The following FBP2 variants were observed in gnomAD, a reference collection of about 807,000 sequenced individuals.
FBP2 encodes fructose-1,6-bisphosphatase isozyme 2.
In FBP2, 27 loss-of-function variants were observed where a neutral mutation model predicts 31.6. The ratio of observed to expected loss-of-function variants is 0.85; its 90% CI spans 0.63 to 1.18. The LOEUF is 1.18. FBP2 is among the 50% of genes most tolerant of loss of function. FBP2 has a pLI of 0.00. For synonymous variants in FBP2, 168 were observed against 179.8 expected, an observed-to-expected ratio of 0.93 and a Z score of 0.53; for missense variants, 421 against 436.1, an observed-to-expected ratio of 0.97 and a Z score of 0.31.
At chr9:94,562,922 G>A (rs1005934327) in intron 6 of FBP2, among the ~76,000 whole-genome samples, 6 of 152,228 alleles carry the variant, frequency 3.9e-5, no homozygotes, top group African/African-American at 1.4e-4. Context: ...CCCTCAACGT[G>A]TAATTTGTAT....
At chr9:94,589,665 TG>T (rs1827468484) in intron 1 of FBP2, among the ~76,000 whole-genome samples, 3 of 152,200 alleles carry the variant, frequency 2.0e-5, no homozygotes, top group African/African-American at 7.2e-5. Flanking sequence ...TGAGAACCAC[TG>T]ATCTACCTTA....
intron 5 of FBP2, among the ~76,000 whole-genome samples, chr9:94,566,441 C>T (rs1243577592): frequency 1.3e-5 from 2 of 152,238 alleles, no homozygotes; most frequent in Non-Finnish European, 2.9e-5. Flanking sequence ...GTTAACCAGC[C>T]CAACCTATTC....
intron 1 of FBP2, 86 bp downstream of exon 1, chr9:94,593,471 A>T (rs1827523166): frequency 7.5e-7 from 1 of 1,334,784 alleles, no homozygotes; most frequent in Admixed American, 2.4e-5. Flanking sequence ...CTTTGGACCC[A>T]GTTTCTTGCC....
intron 3 of FBP2, among the ~76,000 whole-genome samples, chr9:94,580,413 A>G (rs1383865023): frequency 2.0e-5 from 3 of 152,114 alleles, no homozygotes; most frequent in African/African-American, 4.8e-5. Flanking sequence ...GACAGTGTTT[A>G]GCCATGTTGG....
At chr9:94,561,657 A>G (rs1457657321) in intron 6 of FBP2, among the ~76,000 whole-genome samples, 2 of 151,998 alleles carry the variant, frequency 1.3e-5, no homozygotes, top group African/African-American at 2.4e-5. Flanking sequence ...GAGCCACCGC[A>G]GCCAGCCATG....
At chr9:94,589,999 T>C (rs1372570373) in intron 1 of FBP2, among the ~76,000 whole-genome samples, 1 of 152,140 alleles carries the variant, frequency 6.6e-6, no homozygotes, top group Non-Finnish European at 1.5e-5. Context: ...AGGCCTGCGG[T>C]GGGCAGAGCT....
At chr9:94,587,199 G>T in intron 2 of FBP2, 108 bp downstream of exon 2, 1 of 978,834 alleles carries the variant, frequency 1.0e-6, no homozygotes. Flanking sequence ...GAAAACAAAT[G>T]TTAAGAAATA....
At chr9:94,568,234 G>A (rs1255146931) in intron 4 of FBP2, 3 of 152,216 alleles carry the variant, frequency 2.0e-5, no homozygotes, top group East Asian at 1.9e-4. Context: ...AAAAGAGGAA[G>A]CCGCTTTCAT....
At chr9:94,569,042 C>CT (rs1439772872) in intron 4 of FBP2, 1 of 152,228 alleles carries the variant, frequency 6.6e-6, no homozygotes, top group Non-Finnish European at 1.5e-5. Context: ...GACTCATGAC[C>CT]TTTAACTTGC....
chr9:94,593,580 C>A lies in FBP2; in HGVS notation c.147G>T (p.Val49=). ...LTAIKAISSA[V]RKAGLAHLYG... Reference sequence around the variant, plus strand: ...ACAGGTGGGCCAGACCGGCCTTGCGCACAGCCGAGGAGATGGCTTTGATGG... The same window carrying A: ...ACAGGTGGGCCAGACCGGCCTTGCGAACAGCCGAGGAGATGGCTTTGATGG... The change falls in exon 1 of 7, where the codon GTG becomes GTT. Residue 49 remains valine, a synonymous_variant. Transcript: ENST00000375337. 1 of 1,613,954 alleles carries A rather than the reference C, an allele frequency of 6.2e-7. No individual in the cohort carries two copies. The highest frequency in any genetic ancestry group is 8.5e-7 in the Non-Finnish European group (1 of 1,179,982).
At chr9:94,583,834 A>C (rs1827396798) in intron 3 of FBP2, among the ~76,000 whole-genome samples, 1 of 152,098 alleles carries the variant, frequency 6.6e-6, no homozygotes, top group Non-Finnish European at 1.5e-5. Flanking sequence ...CCTAGCCTCA[A>C]GGCCTCAAGT....
At chr9:94,562,677 T>C (rs2131441731) in intron 6 of FBP2, among the ~76,000 whole-genome samples, 1 of 152,312 alleles carries the variant, frequency 6.6e-6, no homozygotes, top group South Asian at 2.1e-4. Context: ...ACGATTTCTG[T>C]GATTGGCTAA....
chr9:94,579,050 C>CTCAAAA (rs1564185204), intron 3 of FBP2, among the ~76,000 whole-genome samples: 1 of 30,590 alleles, frequency 3.3e-5, no homozygotes, highest in Non-Finnish European at 5.1e-5. Context: ...GAGACTCTGT[C>CTCAAAA]AAAAAAAAAA....
In FBP2 at chr9:94,567,329, A is replaced by G. The variant is rs761915951; in HGVS notation, c.646T>C (p.Tyr216His). 36 of 1,614,082 alleles carry G rather than the reference A, an allele frequency of 2.2e-5. No individual in the cohort carries two copies. Among genetic ancestry groups the G allele is most frequent in the Non-Finnish European group, 3.0e-5 (35 of 1,180,022 alleles). Residue 216 changes from tyrosine (Y) to histidine (H), a missense_variant, in exon 5 of 7, where the codon TAT (tyrosine) becomes CAT (histidine). Tyr to His is a moderately conservative substitution (Grantham distance 83). Transcript: ENST00000375337. ...KGKIYSLNEG[Y>H]AKYFDAATTE... Reference sequence around the variant, plus strand: ...GTGGCCGCATCAAAATACTTGGCATAGCCCTCATTCAGGCTGTAAATCTTT... The same window carrying G: ...GTGGCCGCATCAAAATACTTGGCATGGCCCTCATTCAGGCTGTAAATCTTT...
chr9:94,578,016 A>C (rs916357431), intron 3 of FBP2, among the ~76,000 whole-genome samples: 1 of 152,264 alleles, frequency 6.6e-6, no homozygotes, highest in African/African-American at 2.4e-5. Flanking sequence ...ATCTTTGATA[A>C]ATAAAACTGG....
intron 3 of FBP2, among the ~76,000 whole-genome samples, chr9:94,579,704 C>T (rs1407987012): frequency 6.6e-6 from 1 of 152,182 alleles, no homozygotes; most frequent in Non-Finnish European, 1.5e-5. Context: ...CTCTTAAAAA[C>T]TTCTCAGAAT....
At chr9:94,587,914 A>G (rs1434582920) in intron 1 of FBP2, among the ~76,000 whole-genome samples, 1 of 151,832 alleles carries the variant, frequency 6.6e-6, no homozygotes, top group Non-Finnish European at 1.5e-5. Flanking sequence ...AGTGGCACGA[A>G]CTCTGCTCAC....
intron 1 of FBP2, 124 bp from the exon 2 acceptor site, chr9:94,587,593 C>T: frequency 1.2e-6 from 1 of 833,234 alleles, no homozygotes; most frequent in Non-Finnish European, 2.0e-6. Context: ...GTCTCCAAGT[C>T]ACACGTGCAG....
At chr9:94,584,040 G>A (rs911652695) in intron 3 of FBP2, among the ~76,000 whole-genome samples, 1 of 152,170 alleles carries the variant, frequency 6.6e-6, no homozygotes, top group Non-Finnish European at 1.5e-5. Flanking sequence ...TTCAGGGTAG[G>A]CAGAATGGCC....
Sources: allele counts gnomAD v4.1 joint callset (sites outside exome capture counted in the v4.1 genomes callset), GRCh38; gene constraint gnomAD v4.1.1; transcripts MANE v1.5; gene names NCBI Gene and HGNC (gene_info 2026-07-23, HGNC 2026-07-21).